Variants in CENPP observed in about 807,000 individuals in gnomAD.
The protein encoded by CENPP is centromere protein P.
Under a neutral mutation model 35.6 loss-of-function variants are expected in CENPP, and 24 were observed. The ratio of observed to expected loss-of-function variants is 0.67; its 90% CI spans 0.49 to 0.95. The LOEUF is 0.95. Among genes scored for constraint, CENPP ranks in the 40% least tolerant of loss-of-function variants. The pLI, the probability that CENPP is intolerant of heterozygous loss-of-function variation, is 0.00. For synonymous variants in CENPP, 120 were observed against 125.5 expected (o/e 0.96, Z 0.29); for missense variants, 332 against 345.3 (o/e 0.96, Z 0.31).
At chr9:92,412,565 A>G (rs1843473840) in intron 5 of CENPP, among the ~76,000 whole-genome samples, 1 of 152,174 alleles carries the variant, frequency 6.6e-6, no homozygotes, top group South Asian at 2.1e-4. Flanking sequence ...TTGTCTCCAT[A>G]GATTTCCCAG....
At chr9:92,527,966 C>T (rs1447333562) in intron 5 of CENPP, 1 of 153,684 alleles carries the variant, frequency 6.5e-6, no homozygotes, top group Non-Finnish European at 1.5e-5. Context: ...CAGAGTGGCT[C>T]CATGAAGTAG....
intron 5 of CENPP, among the ~76,000 whole-genome samples, chr9:92,458,750 G>A (rs1359639990): frequency 2.6e-5 from 4 of 152,132 alleles, no homozygotes; most frequent in Non-Finnish European, 4.4e-5. Flanking sequence ...GAGAGAGGAC[G>A]GACTCAAGTT....
intron 4 of CENPP, among the ~76,000 whole-genome samples, chr9:92,361,460 T>G (rs1162343552): frequency 7.6e-6 from 1 of 131,448 alleles, no homozygotes; most frequent in African/African-American, 2.8e-5. Flanking sequence ...TTTATTTTAT[T>G]TTATTTTATT....
intron 1 of CENPP, among the ~76,000 whole-genome samples, chr9:92,327,028 A>G (rs1840558207): frequency 6.6e-6 from 1 of 152,220 alleles, no homozygotes; most frequent in Admixed American, 6.5e-5. Context: ...CACAAATGAG[A>G]GTAAATGTAT....
chr9:92,423,847 A>T (rs1334517448), intron 5 of CENPP, among the ~76,000 whole-genome samples: 1 of 152,202 alleles, frequency 6.6e-6, no homozygotes, highest in East Asian at 1.9e-4. Context: ...CCTCAAAGGC[A>T]TTAGCTGGTT....
chr9:92,463,595 T>C (rs929374569), intron 5 of CENPP, among the ~76,000 whole-genome samples: 1 of 152,212 alleles, frequency 6.6e-6, no homozygotes, highest in Admixed American at 6.5e-5. Context: ...TCCAGCCCTG[T>C]AGGCTGTCCT....
chr9:92,465,288 A>AT (rs2131057185), intron 5 of CENPP, among the ~76,000 whole-genome samples: 1 of 152,346 alleles, frequency 6.6e-6, no homozygotes, highest in South Asian at 2.1e-4. Flanking sequence ...TATCAGTGAC[A>AT]TTTTCACTCT....
chr9:92,325,591 T>C (rs777204696), upstream of CENPP: 10 of 182,134 alleles, frequency 5.5e-5, no homozygotes, highest in Non-Finnish European at 1.2e-4. Context: ...TAGGTCGGCG[T>C]AAGAGAGGAA....
intron 5 of CENPP, among the ~76,000 whole-genome samples, chr9:92,582,670 T>A (rs189353140): frequency 1.3e-5 from 2 of 151,944 alleles, no homozygotes; most frequent in East Asian, 3.9e-4. Flanking sequence ...TATTCCTCAT[T>A]GTCACTATGT....
At chr9:92,395,233 C>CT (rs1352149125) in intron 5 of CENPP, among the ~76,000 whole-genome samples, 7 of 152,138 alleles carry the variant, frequency 4.6e-5, no homozygotes, top group Admixed American at 4.6e-4. Flanking sequence ...GACTGACCTG[C>CT]TTTTGGTCAG....
intron 5 of CENPP, among the ~76,000 whole-genome samples, chr9:92,547,909 T>G (rs1005386088): frequency 3.9e-5 from 6 of 152,138 alleles, no homozygotes; most frequent in African/African-American, 1.4e-4. Flanking sequence ...CCCTGGCCAG[T>G]GTGGTAAAGC....
intron 5 of CENPP, among the ~76,000 whole-genome samples, chr9:92,487,683 A>G (rs1005090742): frequency 6.6e-6 from 1 of 152,134 alleles, no homozygotes; most frequent in Non-Finnish European, 1.5e-5. Context: ...TAGAACAGAC[A>G]TGGTGGCACA....
chr9:92,547,336 A>G (rs1849490488), intron 5 of CENPP, among the ~76,000 whole-genome samples: 1 of 152,262 alleles, frequency 6.6e-6, no homozygotes, highest in African/African-American at 2.4e-5. Context: ...ATATGTCCAC[A>G]TGAAAACTTG....
chr9:92,348,416 G>A (rs919586225), intron 4 of CENPP, among the ~76,000 whole-genome samples: 2 of 145,358 alleles, frequency 1.4e-5, no homozygotes, highest in African/African-American at 2.5e-5. Context: ...TTTTGAGATG[G>A]AATTTCGCTC....
chr9:92,442,765 C>CT (rs1185137014), intron 5 of CENPP, among the ~76,000 whole-genome samples: 11 of 149,408 alleles, frequency 7.4e-5, no homozygotes, highest in Admixed American at 2.0e-4. Context: ...AGGAGAATGG[C>CT]GTGAACCCGG....
intron 4 of CENPP, among the ~76,000 whole-genome samples, chr9:92,365,740 TA>T (rs1339649027): frequency 6.6e-6 from 1 of 152,034 alleles, no homozygotes; most frequent in Non-Finnish European, 1.5e-5. Context: ...ATGTAAATTA[TA>T]AATTTGTGAT....
At chr9:92,589,937 T>C (rs1456256347) in intron 5 of CENPP, among the ~76,000 whole-genome samples, 28 of 152,328 alleles carry the variant, frequency 1.8e-4, no homozygotes, top group Non-Finnish European at 4.4e-5. Context: ...GTTTAAAATA[T>C]TGTATTCATC....
chr9:92,392,995 G>T, intron 5 of CENPP: 1 of 990,978 alleles, frequency 1.0e-6, no homozygotes, highest in Non-Finnish European at 1.5e-6. Context: ...AAACCTGAAT[G>T]TGATAGGCAG....
At chr9:92,352,406 C>G (rs1007055565) in intron 4 of CENPP, among the ~76,000 whole-genome samples, 1 of 146,530 alleles carries the variant, frequency 6.8e-6, no homozygotes, top group East Asian at 2.0e-4. Context: ...TAAGATAGTT[C>G]TGTGAATCTG....
Sources: gnomAD v4.1 joint callset for allele counts (sites outside exome capture counted in the v4.1 genomes callset) on GRCh38, gnomAD v4.1.1 for gene constraint, MANE v1.5 for transcripts, NCBI Gene and HGNC (gene_info 2026-07-23, HGNC 2026-07-21) for gene names.